TMTC2: variants seen among roughly 807,000 people sequenced by gnomAD.
TMTC2 encodes the protein transmembrane O-mannosyltransferase targeting cadherins 2, also known as protein O-mannosyl-transferase TMTC2.
A neutral mutation model predicts 82.4 loss-of-function variants in TMTC2; 43 were observed. That is an observed-to-expected ratio of 0.52 (90% CI 0.41 to 0.67). TMTC2 has a LOEUF of 0.67. TMTC2 is among the 30% of genes least tolerant of loss of function. The pLI is 0.00. For synonymous variants in TMTC2, 408 were observed against 381.9 expected (o/e 1.07, Z -0.80); for missense variants, 919 against 1,012.4 (o/e 0.91, Z 1.25).
chr12:83,125,358 G>C lies in TMTC2; in HGVS notation c.2332-6852G>C, dbSNP rs144868473. 4.8e-3 allele frequency among the ~76,000 whole-genome samples: 730 copies of C among 152,312 alleles called. 4 individuals carry two copies. Among genetic ancestry groups the C allele is most frequent in the African/African-American group, 0.017 (703 of 41,560 alleles). On this transcript the variant is annotated intron_variant, in intron 11 of 11. Transcript: ENST00000321196. ...CCAATTTTGAGGTAGTTGGGGCTCT[G>C]TGTTCCTACCTTTCAAATATGACCA...
intron 1 of TMTC2, among the ~76,000 whole-genome samples, chr12:82,735,446 T>G (rs190040299): frequency 1.3e-5 from 2 of 151,428 alleles, no homozygotes; most frequent in Admixed American, 6.6e-5. Flanking sequence ...CCCAGGTTCA[T>G]GCCATTCTCC....
intron 11 of TMTC2, among the ~76,000 whole-genome samples, chr12:83,069,446 AATGATGTTGAGCATGTTTTC>A (rs1883031700): frequency 6.6e-6 from 1 of 152,204 alleles, no homozygotes; most frequent in Non-Finnish European, 1.5e-5. Flanking sequence ...CCTGATCATT[AATGATGTTGAGCATGTTTTC>A]ATATGTTTGT....
chr12:83,031,188 A>G (rs1469896595), intron 9 of TMTC2, among the ~76,000 whole-genome samples: 1 of 152,180 alleles, frequency 6.6e-6, no homozygotes, highest in Non-Finnish European at 1.5e-5. Context: ...TGCCTTATGC[A>G]TACTTTATAA....
intron 2 of TMTC2, among the ~76,000 whole-genome samples, chr12:82,889,608 GAAAAATATTTTTCAC>G (rs141551444): frequency 0.034 from 5,160 of 151,870 alleles, 312 homozygotes; most frequent in African/African-American, 0.12. Flanking sequence ...AAGCATTTGT[GAAAAATATTTTTCAC>G]AAAAATATTT....
At chr12:82,911,431 G>A (rs1275340860) in intron 3 of TMTC2, among the ~76,000 whole-genome samples, 2 of 150,684 alleles carry the variant, frequency 1.3e-5, no homozygotes, top group African/African-American at 4.9e-5. Flanking sequence ...CTTGACCATG[G>A]CTTCTCAGTG....
chr12:83,089,049 G>A (rs908177473), intron 11 of TMTC2, among the ~76,000 whole-genome samples: 5 of 152,092 alleles, frequency 3.3e-5, no homozygotes, highest in African/African-American at 1.2e-4. Context: ...GACCACGGGG[G>A]AAACTAAATA....
At chr12:82,780,006 A>G (rs1877816593) in intron 1 of TMTC2, among the ~76,000 whole-genome samples, 1 of 148,708 alleles carries the variant, frequency 6.7e-6, no homozygotes, top group Admixed American at 6.7e-5. Context: ...GTCCCTTAAA[A>G]GATGGGTATT....
intron 10 of TMTC2, among the ~76,000 whole-genome samples, chr12:83,061,498 GA>G (rs1882739383): frequency 6.6e-6 from 1 of 151,612 alleles, no homozygotes; most frequent in Non-Finnish European, 1.5e-5. Context: ...GTTTTGCATG[GA>G]AAAGTAGGAT....
intron 1 of TMTC2, among the ~76,000 whole-genome samples, chr12:82,693,841 G>T (rs1872679390): frequency 1.3e-5 from 2 of 151,886 alleles, no homozygotes; most frequent in Non-Finnish European, 1.5e-5. Flanking sequence ...GGTGGCGGGT[G>T]CCTGTAACCC....
At chr12:83,056,708 A>G (rs1592720215) in intron 10 of TMTC2, among the ~76,000 whole-genome samples, 2 of 151,932 alleles carry the variant, frequency 1.3e-5, no homozygotes, top group East Asian at 3.9e-4. Flanking sequence ...AAACCACGCG[A>G]AAGTCACTGG....
intron 8 of TMTC2, among the ~76,000 whole-genome samples, chr12:83,009,706 T>C (rs1328690855): frequency 6.6e-6 from 1 of 152,130 alleles, no homozygotes; most frequent in Admixed American, 6.6e-5. Flanking sequence ...TTTCAACCCC[T>C]CTTATAGTAC....
At position 82,963,710 on chromosome 12, in the gene TMTC2, C is replaced by T. The variant is rs563651990; in HGVS notation, c.1599-1314C>T. 7.8e-3 allele frequency among the ~76,000 whole-genome samples: 1,143 copies of T among 147,142 alleles called. 13 individuals are homozygous for T. Among genetic ancestry groups the T allele is most frequent in the African/African-American group, 0.027 (1,098 of 40,382 alleles). ...TAACTACTGCAGGAAGCTTTATTCTCTCTTGTTCCTAGCAGCAGACAAGAA... is the reference window on the plus strand; with the variant it reads ...TAACTACTGCAGGAAGCTTTATTCTTTCTTGTTCCTAGCAGCAGACAAGAA... On this transcript the variant is annotated intron_variant, in intron 4 of 11. Coordinates refer to ENST00000321196, the MANE Select transcript of TMTC2 (RefSeq NM_152588.3).
chr12:82,782,825 AAGT>A (rs1230565901), intron 1 of TMTC2, among the ~76,000 whole-genome samples: 37 of 152,156 alleles, frequency 2.4e-4, no homozygotes, highest in Non-Finnish European at 3.5e-4. Flanking sequence ...AGTTACTTCT[AAGT>A]AGCCTCTTTA....
At chr12:83,026,741 T>TGTGA (rs1406125783) in intron 8 of TMTC2, among the ~76,000 whole-genome samples, 10 of 148,418 alleles carry the variant, frequency 6.7e-5, no homozygotes, top group Admixed American at 6.7e-4. Flanking sequence ...TGTGTGTGTG[T>TGTGA]GAAAATACGT....
At chr12:82,825,088 C>CAA (rs1488838366) in intron 1 of TMTC2, among the ~76,000 whole-genome samples, 1 of 129,498 alleles carries the variant, frequency 7.7e-6, no homozygotes, top group Non-Finnish European at 1.6e-5. Context: ...GACTCTGACT[C>CAA]AAAAAAAAAG....
intron 3 of TMTC2, among the ~76,000 whole-genome samples, chr12:82,912,235 T>C (rs1874711865): frequency 6.6e-6 from 1 of 152,176 alleles, no homozygotes; most frequent in Non-Finnish European, 1.5e-5. Flanking sequence ...ATGTAATATA[T>C]CAGCTCAGAG....
intron 3 of TMTC2, among the ~76,000 whole-genome samples, chr12:82,903,566 C>T (rs988781713): frequency 2.0e-5 from 3 of 152,116 alleles, no homozygotes; most frequent in African/African-American, 2.4e-5. Context: ...CGCCCGCCAC[C>T]ACGCCCAGCT....
rs1044495824 is a variant in TMTC2, at chr12:82,800,454, G to T, written c.84-56556G>T. 2.6e-5 allele frequency among the ~76,000 whole-genome samples: 4 copies of T among 152,148 alleles called. 1 individual carries two copies. Among genetic ancestry groups the T allele is most frequent in the Non-Finnish European group, 5.9e-5 (4 of 68,022 alleles). The stretch of plus-strand genomic sequence containing the variant: ...AGTTGTTCTCAGCACTCAGCACCCA[G>T]CTGGACACCAGACTGCTTTCTCCTC... On this transcript the variant is annotated intron_variant, in intron 1 of 11. Coordinates refer to ENST00000321196, the MANE Select transcript of TMTC2 (RefSeq NM_152588.3).
chr12:83,094,827 G>T (rs7487428), intron 11 of TMTC2, among the ~76,000 whole-genome samples: 3,003 of 152,232 alleles, frequency 0.02, 98 homozygotes, highest in African/African-American at 0.068. Flanking sequence ...AATCTTGGAG[G>T]TCAAACATAT....
Sources: allele counts gnomAD v4.1 joint callset (sites outside exome capture counted in the v4.1 genomes callset), GRCh38; gene constraint gnomAD v4.1.1; transcripts MANE v1.5; gene names NCBI Gene and HGNC (gene_info 2026-07-23, HGNC 2026-07-21).